IPCEF1: variants seen among roughly 807,000 people sequenced by gnomAD.
The protein encoded by IPCEF1 is interaction protein for cytohesin exchange factors 1.
A neutral mutation model predicts 50.9 loss-of-function variants in IPCEF1; 31 were observed. The observed-to-expected ratio is 0.61, with a 90% CI of 0.46 to 0.82. The LOEUF (loss-of-function observed/expected upper bound fraction) is 0.82. Among genes scored for constraint, IPCEF1 ranks in the 40% least tolerant of loss-of-function variants. IPCEF1 has a pLI of 0.00. For missense variants in IPCEF1, 458 were observed against 514.0 expected (o/e 0.89, Z 1.05); for synonymous variants, 181 against 192.0 (o/e 0.94, Z 0.47).
intron 2 of IPCEF1, among the ~76,000 whole-genome samples, chr6:154,273,955 T>A (rs1210689667): frequency 2.7e-5 from 4 of 150,928 alleles, no homozygotes; most frequent in Non-Finnish European, 4.4e-5. Context: ...GGGTTTCACC[T>A]TGTTAGCCAG....
At position 154,351,291 on chromosome 6, in the gene IPCEF1, G is replaced by A. The variant is rs149398227; in HGVS notation, c.-62+5381C>T. Reference sequence around the variant, plus strand: ...CAGCATGAGGGATCTTTGTGGTGACGGAACAGTCACATATCTTGACTGTGG... The same window carrying A: ...CAGCATGAGGGATCTTTGTGGTGACAGAACAGTCACATATCTTGACTGTGG... On this transcript the variant is annotated intron_variant, in intron 1 of 11. Transcript: ENST00000367220. Among the ~76,000 whole-genome samples the A allele has an allele frequency of 2.6e-5, 4 of 152,286 alleles. 1 individual carries two copies. The East Asian group carries it at 7.7e-4, about 29-fold the overall frequency.
At chr6:154,239,242 G>A (rs1331442354) in intron 5 of IPCEF1, among the ~76,000 whole-genome samples, 2 of 152,094 alleles carry the variant, frequency 1.3e-5, no homozygotes, top group Non-Finnish European at 2.9e-5. Flanking sequence ...ACAACAAGAA[G>A]TTATTGAGAA....
chr6:154,197,610 T>C (rs1776718031), intron 10 of IPCEF1, among the ~76,000 whole-genome samples: 2 of 152,216 alleles, frequency 1.3e-5, no homozygotes, highest in Admixed American at 1.3e-4. Context: ...GGTTGCTTCA[T>C]TCTTACATTA....
intron 1 of IPCEF1, among the ~76,000 whole-genome samples, chr6:154,333,559 C>CATAT (rs113454682): frequency 6.6e-6 from 1 of 150,462 alleles, no homozygotes; most frequent in African/African-American, 2.4e-5. Context: ...TTTATATATA[C>CATAT]ATATATATAT....
intron 1 of IPCEF1, among the ~76,000 whole-genome samples, chr6:154,318,934 G>A (rs1005162421): frequency 2.0e-5 from 3 of 152,088 alleles, no homozygotes; most frequent in Non-Finnish European, 4.4e-5. Flanking sequence ...GAACTTTCAA[G>A]GATAAATGTG....
At chr6:154,300,770 A>G (rs745766202) in intron 1 of IPCEF1, among the ~76,000 whole-genome samples, 8 of 152,220 alleles carry the variant, frequency 5.3e-5, no homozygotes. Context: ...GCCCCTTAGC[A>G]AATTACTCTT....
chr6:154,314,209 A>T (rs1783156823), intron 1 of IPCEF1, among the ~76,000 whole-genome samples: 1 of 152,212 alleles, frequency 6.6e-6, no homozygotes, highest in South Asian at 2.1e-4. Context: ...ATCACAAAAA[A>T]CAAGTCTTTG....
intron 3 of IPCEF1, among the ~76,000 whole-genome samples, chr6:154,250,706 G>T (rs1781316533): frequency 6.6e-6 from 1 of 152,220 alleles, no homozygotes; most frequent in Non-Finnish European, 1.5e-5. Flanking sequence ...GTTAAACCTT[G>T]CAGGCAAAAT....
At chr6:154,160,128 A>C (rs1213234816) in intron 11 of IPCEF1, 88 bp from the exon 12 acceptor site, 27 of 977,680 alleles carry the variant, frequency 2.8e-5, no homozygotes, top group Non-Finnish European at 4.2e-5. Context: ...TTACAAGTAC[A>C]CATATACATA....
chr6:154,243,749 G>T (rs1257400082), intron 5 of IPCEF1, among the ~76,000 whole-genome samples: 1 of 152,188 alleles, frequency 6.6e-6, no homozygotes, highest in Non-Finnish European at 1.5e-5. Context: ...ATGGGTTTAG[G>T]AGTCCAAGGG....
At chr6:154,266,217 T>C (rs1781750255) in intron 2 of IPCEF1, among the ~76,000 whole-genome samples, 1 of 151,670 alleles carries the variant, frequency 6.6e-6, no homozygotes, top group African/African-American at 2.4e-5. Flanking sequence ...TGAGACCCTG[T>C]CCCTAAAAGA....
intron 10 of IPCEF1, among the ~76,000 whole-genome samples, chr6:154,182,434 A>G (rs1447195222): frequency 6.6e-6 from 1 of 152,332 alleles, no homozygotes; most frequent in Non-Finnish European, 1.5e-5. Flanking sequence ...AGTTGACTCC[A>G]TTGCTCAACT....
intron 1 of IPCEF1, among the ~76,000 whole-genome samples, chr6:154,344,794 A>G (rs1783993844): frequency 6.6e-6 from 1 of 152,104 alleles, no homozygotes; most frequent in Non-Finnish European, 1.5e-5. Flanking sequence ...CTCCACCATT[A>G]CAGGCTCCTG....
At chr6:154,278,422 C>A (rs771124804) in intron 2 of IPCEF1, among the ~76,000 whole-genome samples, 1 of 152,228 alleles carries the variant, frequency 6.6e-6, no homozygotes, top group East Asian at 1.9e-4. Context: ...AGGCTCCAGA[C>A]GTATGGATGC....
At chr6:154,191,364 G>A (rs1248978363) in intron 10 of IPCEF1, among the ~76,000 whole-genome samples, 2 of 152,022 alleles carry the variant, frequency 1.3e-5, no homozygotes, top group African/African-American at 2.4e-5. Context: ...AGAACTGTAT[G>A]ACATAACGAC....
At chr6:154,224,088 C>G (rs1370330518) in intron 5 of IPCEF1, among the ~76,000 whole-genome samples, 1 of 151,830 alleles carries the variant, frequency 6.6e-6, no homozygotes, top group Non-Finnish European at 1.5e-5. Flanking sequence ...AATCTTCTTT[C>G]ATCTACACTG....
At chr6:154,226,727 G>A (rs1020081679) in intron 5 of IPCEF1, among the ~76,000 whole-genome samples, 2 of 152,076 alleles carry the variant, frequency 1.3e-5, no homozygotes, top group Non-Finnish European at 2.9e-5. Flanking sequence ...CATTCTTCAT[G>A]GCACTGTTCT....
chr6:154,292,999 G>C (rs570711632), intron 1 of IPCEF1, among the ~76,000 whole-genome samples: 3 of 152,308 alleles, frequency 2.0e-5, no homozygotes, highest in African/African-American at 7.2e-5. Context: ...TCCTGAAGGA[G>C]TCATCTGTAT....
At chr6:154,175,561 A>G (rs373623130) in intron 10 of IPCEF1, among the ~76,000 whole-genome samples, 35 of 152,314 alleles carry the variant, frequency 2.3e-4, no homozygotes, top group Non-Finnish European at 4.6e-4. Flanking sequence ...CAAATAAACT[A>G]GAAAATCTAG....
Sources: gnomAD v4.1 joint callset for allele counts (sites outside exome capture counted in the v4.1 genomes callset) on GRCh38, gnomAD v4.1.1 for gene constraint, MANE v1.5 for transcripts, NCBI Gene and HGNC (gene_info 2026-07-23, HGNC 2026-07-21) for gene names.